The following CCSER1 variants were observed in gnomAD, a reference collection of about 807,000 sequenced individuals.
CCSER1 encodes the protein coiled-coil serine rich protein 1.
A neutral mutation model predicts 82.0 loss-of-function variants in CCSER1; 41 were observed. The observed-to-expected ratio is 0.50, with a 90% CI of 0.39 to 0.65. CCSER1 has a LOEUF of 0.65. Among genes scored for constraint, CCSER1 ranks in the 30% least tolerant of loss-of-function variants. The pLI is 0.00. For missense variants in CCSER1, 1,119 were observed against 1,064.2 expected, an observed-to-expected ratio of 1.05 and a Z score of -0.72; for synonymous variants, 414 against 383.9, an observed-to-expected ratio of 1.08 and a Z score of -0.92.
intron 4 of CCSER1, among the ~76,000 whole-genome samples, chr4:90,453,228 A>T (rs371061011): frequency 2.6e-5 from 4 of 152,134 alleles, no homozygotes; most frequent in African/African-American, 7.2e-5. Context: ...AATCTTTTAG[A>T]TCCAGGACTG....
chr4:91,209,944 C>T lies in CCSER1; in HGVS notation c.2217+123950C>T, dbSNP rs1054319254. On this transcript the variant is annotated intron_variant, in intron 10 of 10. Transcript: ENST00000509176. ...GCGTGCCTCAGTGCAATGAGCATAC[C>T]TACCACCCAGATCTTAGCTTCTAAA... Among the ~76,000 whole-genome samples the T allele has an allele frequency of 5.3e-5, 8 of 151,684 alleles. No homozygotes were observed. The Admixed American group carries it at 5.3e-4, about 10-fold the overall frequency.
At chr4:90,464,900 T>A (rs1292042108) in intron 4 of CCSER1, among the ~76,000 whole-genome samples, 3 of 152,244 alleles carry the variant, frequency 2.0e-5, no homozygotes, top group Non-Finnish European at 2.9e-5. Context: ...AATGGAGTAA[T>A]TAAAATTTGA....
chr4:91,080,311 A>G lies in CCSER1; in HGVS notation c.2173-5639A>G, dbSNP rs1295816746. 3.9e-5 allele frequency among the ~76,000 whole-genome samples: 6 copies of G among 152,226 alleles called. No homozygotes were observed. In the South Asian group the frequency reaches 6.2e-4, roughly 16 times the overall value. On this transcript the variant is annotated intron_variant, in intron 9 of 10. Coordinates refer to ENST00000509176, the MANE Select transcript of CCSER1 (RefSeq NM_001145065.2). ...TGGAAACTGAACAACCTGCTCCTGA[A>G]TGACTACTGGGTACATAAAGAAATG... is the stretch of plus-strand genomic sequence containing the variant.
chr4:90,924,808 C>G (rs1035393942), intron 9 of CCSER1, among the ~76,000 whole-genome samples: 2 of 152,050 alleles, frequency 1.3e-5, no homozygotes, highest in African/African-American at 4.8e-5. Flanking sequence ...CTCACTGCAA[C>G]CTCCGCCTCC....
intron 10 of CCSER1, among the ~76,000 whole-genome samples, chr4:91,226,860 A>G (rs1156709809): frequency 6.6e-6 from 1 of 151,852 alleles, no homozygotes; most frequent in Non-Finnish European, 1.5e-5. Flanking sequence ...TTTCAGTTTG[A>G]ATATCACTTC....
intron 10 of CCSER1, among the ~76,000 whole-genome samples, chr4:91,547,295 G>A (rs181689678): frequency 7.9e-5 from 12 of 152,080 alleles, no homozygotes; most frequent in Non-Finnish European, 1.0e-4. Context: ...TCTGTTAGAC[G>A]GATGTTACAA....
At chr4:91,182,495 T>G (rs1298776157) in intron 10 of CCSER1, among the ~76,000 whole-genome samples, 1 of 152,204 alleles carries the variant, frequency 6.6e-6, no homozygotes, top group Admixed American at 6.6e-5. Flanking sequence ...GTCTTCCATA[T>G]TTTATCTCCC....
chr4:91,490,638 A>T (rs1758467038), intron 10 of CCSER1, among the ~76,000 whole-genome samples: 1 of 151,340 alleles, frequency 6.6e-6, no homozygotes, highest in Non-Finnish European at 1.5e-5. Context: ...ATGGTACAAA[A>T]ATATAGTTAG....
chr4:90,274,045 G>A (rs1727082276), intron 1 of CCSER1, among the ~76,000 whole-genome samples: 2 of 152,102 alleles, frequency 1.3e-5, no homozygotes, highest in African/African-American at 4.8e-5. Context: ...TTTGAGTAAT[G>A]CAAATTTAAA....
intron 9 of CCSER1, among the ~76,000 whole-genome samples, chr4:91,016,443 A>G (rs1367500163): frequency 6.6e-6 from 1 of 152,044 alleles, no homozygotes; most frequent in Non-Finnish European, 1.5e-5. Context: ...TTAAATAATC[A>G]TCAGTATTAT....
chr4:91,571,653 G>T (rs1201580129), intron 10 of CCSER1, among the ~76,000 whole-genome samples: 1 of 152,158 alleles, frequency 6.6e-6, no homozygotes, highest in African/African-American at 2.4e-5. Context: ...GCCTCCCACT[G>T]GGTCCCTATG....
rs994758832 is a variant in CCSER1 at position 91,490,712 on chromosome 4, A to T, written c.2218-107860A>T. Among the ~76,000 whole-genome samples the T allele has an allele frequency of 1.1e-4, 17 of 150,102 alleles. 1 individual carries two copies. In the South Asian group the frequency reaches 3.6e-3, roughly 32 times the overall value. On this transcript the variant is annotated intron_variant, in intron 10 of 10. Transcript: ENST00000509176. ...TTGTGCTACACTTAACAGTGTGACTACAGTTAACAGTAATCTAGTATATGT... is the reference window on the plus strand; with the variant it reads ...TTGTGCTACACTTAACAGTGTGACTTCAGTTAACAGTAATCTAGTATATGT...
At chr4:90,278,812 T>C (rs1028056010) in intron 1 of CCSER1, among the ~76,000 whole-genome samples, 1 of 152,048 alleles carries the variant, frequency 6.6e-6, no homozygotes, top group Non-Finnish European at 1.5e-5. Flanking sequence ...CCTGCACATA[T>C]ACCCCCTGAT....
intron 7 of CCSER1, among the ~76,000 whole-genome samples, chr4:90,795,115 C>G (rs139167973): frequency 6.6e-6 from 1 of 151,786 alleles, no homozygotes; most frequent in Non-Finnish European, 1.5e-5. Flanking sequence ...ATGGTGAAAC[C>G]CCATCTCTAC....
chr4:90,765,522 G>A (rs1208127335), intron 7 of CCSER1, among the ~76,000 whole-genome samples: 3 of 151,972 alleles, frequency 2.0e-5, no homozygotes, highest in Non-Finnish European at 4.4e-5. Flanking sequence ...GGATTGCATC[G>A]TACTCTTCTC....
intron 5 of CCSER1, among the ~76,000 whole-genome samples, chr4:90,478,926 A>G (rs1333816520): frequency 6.6e-6 from 1 of 151,898 alleles, no homozygotes; most frequent in Non-Finnish European, 1.5e-5. Context: ...TTTTTAGTAT[A>G]GACGAGGTTT....
chr4:91,477,305 A>C (rs939696948), intron 10 of CCSER1, among the ~76,000 whole-genome samples: 1 of 151,710 alleles, frequency 6.6e-6, no homozygotes, highest in African/African-American at 2.4e-5. Flanking sequence ...TTGTTTTCAG[A>C]TAATTTTTAA....
In CCSER1 at chr4:91,299,464, ATACT is replaced by A. The variant is rs536247268; in HGVS notation, c.2217+213474_2217+213477del. Among the ~76,000 whole-genome samples the A allele has an allele frequency of 5.3e-5, 8 of 152,100 alleles. No individual in the cohort carries two copies. In the South Asian group the frequency reaches 1.4e-3, roughly 28 times the overall value. On this transcript the variant is annotated intron_variant, in intron 10 of 10. Coordinates refer to ENST00000509176, the MANE Select transcript of CCSER1 (RefSeq NM_001145065.2). ...TATGTCAAGGACTTATCTGTGCATC[ATACT>A]TACACTAATTTATTTAGTACTTACC...
chr4:90,584,355 G>A (rs891389223), intron 5 of CCSER1, among the ~76,000 whole-genome samples: 3 of 152,138 alleles, frequency 2.0e-5, no homozygotes, highest in African/African-American at 4.8e-5. Context: ...AATGAAGGTG[G>A]CTTCTAGTTG....
Sources: gnomAD v4.1 joint callset for allele counts (sites outside exome capture counted in the v4.1 genomes callset) on GRCh38, gnomAD v4.1.1 for gene constraint, MANE v1.5 for transcripts, NCBI Gene and HGNC (gene_info 2026-07-23, HGNC 2026-07-21) for gene names.